Variants in PTDSS1 observed in about 807,000 individuals in gnomAD.
PTDSS1 encodes the protein phosphatidylserine synthase 1.
Under a neutral mutation model 70.5 loss-of-function variants are expected in PTDSS1, and 45 were observed. That is an observed-to-expected ratio of 0.64 (90% CI 0.50 to 0.82). PTDSS1 has a LOEUF of 0.82. PTDSS1 is among the 40% of genes least tolerant of loss of function. The probability of loss-of-function intolerance (pLI) is 0.00; values close to 1 mark genes in which losing one functional copy is unlikely to be tolerated. For missense variants in PTDSS1, 417 were observed against 586.1 expected, an observed-to-expected ratio of 0.71 and a Z score of 2.98; for synonymous variants, 188 against 203.8, an observed-to-expected ratio of 0.92 and a Z score of 0.66.
intron 8 of PTDSS1, among the ~76,000 whole-genome samples, chr8:96,307,715 AT>A (rs1025999990): frequency 2.2e-4 from 34 of 152,146 alleles, no homozygotes; most frequent in Non-Finnish European, 4.6e-4. Flanking sequence ...AGACTTTACA[AT>A]TTTTTTCAGG....
At chr8:96,306,637 T>C in intron 8 of PTDSS1, 81 bp downstream of exon 8, 1 of 1,065,808 alleles carries the variant, frequency 9.4e-7, no homozygotes, top group South Asian at 1.4e-5. Context: ...GAAAGTCATA[T>C]AAACTAGCAG....
At chr8:96,324,518 C>G (rs749120169) in intron 10 of PTDSS1, among the ~76,000 whole-genome samples, 1 of 152,084 alleles carries the variant, frequency 6.6e-6, no homozygotes, top group Non-Finnish European at 1.5e-5. Flanking sequence ...TTGGGAAGTC[C>G]AAAAGTATGG....
At chr8:96,282,853 G>A (rs1265517370) in intron 2 of PTDSS1, among the ~76,000 whole-genome samples, 1 of 152,172 alleles carries the variant, frequency 6.6e-6, no homozygotes, top group African/African-American at 2.4e-5. Flanking sequence ...GGCTCACAGT[G>A]TCATAGGCTT....
intron 10 of PTDSS1, among the ~76,000 whole-genome samples, chr8:96,326,089 C>T (rs1424643530): frequency 1.4e-4 from 21 of 152,180 alleles, no homozygotes; most frequent in Admixed American, 1.3e-3. Context: ...CATCTGCCCA[C>T]GTGTACTCTA....
rs1040695602 is a variant in PTDSS1 at position 96,333,626 on chromosome 8, C to T, written c.*60C>T. On this transcript the variant is annotated 3_prime_UTR_variant, in exon 13 of 13. Transcript: ENST00000517309. ...CTAGAACTGAGAGGGAAATGGAACT[C>T]ATTTGGAACTCCCCGTGAGGAGGTC... The T allele has an allele frequency of 1.3e-6, 2 of 1,497,512 alleles. No individual in the cohort carries two copies. The highest frequency in any genetic ancestry group is 1.7e-5 in the Admixed American group (1 of 59,640). 92.8% of individuals were successfully genotyped at this position (1,497,512 alleles called of 1,614,324 possible).
At chr8:96,277,108 A>T (rs1810659920) in intron 2 of PTDSS1, among the ~76,000 whole-genome samples, 1 of 152,192 alleles carries the variant, frequency 6.6e-6, no homozygotes, top group Non-Finnish European at 1.5e-5. Flanking sequence ...TGTCCTGTGC[A>T]GGAGGGATTG....
In PTDSS1 at chr8:96,303,437, T is replaced by C. The variant is rs145102452; in HGVS notation, c.753-603T>C. The stretch of plus-strand genomic sequence containing the variant: ...GACGTAAAAGTTCATGATATAAATA[T>C]TTGTGGAATTAAAGACTCTTTACCA... On this transcript the variant is annotated intron_variant, in intron 6 of 12. Coordinates refer to ENST00000517309, the MANE Select transcript of PTDSS1 (RefSeq NM_014754.3). 4.8e-3 allele frequency among the ~76,000 whole-genome samples: 726 copies of C among 152,264 alleles called. 2 individuals carry two copies. The highest frequency in any genetic ancestry group is 0.014 in the African/African-American group (583 of 41,542).
chr8:96,309,924 A>C (rs1171838719), intron 9 of PTDSS1, among the ~76,000 whole-genome samples: 1 of 151,898 alleles, frequency 6.6e-6, no homozygotes, highest in Non-Finnish European at 1.5e-5. Context: ...TCACTTTGGG[A>C]GCCCGAGGTG....
chr8:96,317,660 G>A (rs1332056941), intron 9 of PTDSS1, among the ~76,000 whole-genome samples: 1 of 152,036 alleles, frequency 6.6e-6, no homozygotes, highest in Non-Finnish European at 1.5e-5. Context: ...GCTTGAGCCT[G>A]GGAAGTGGAG....
intron 9 of PTDSS1, among the ~76,000 whole-genome samples, chr8:96,312,626 C>T (rs745707892): frequency 1.6e-4 from 24 of 152,204 alleles, no homozygotes; most frequent in African/African-American, 3.4e-4. Context: ...TGAGAACTCC[C>T]GGAACAGTGT....
chr8:96,274,085 A>G (rs942755599), intron 2 of PTDSS1, among the ~76,000 whole-genome samples: 2 of 150,418 alleles, frequency 1.3e-5, no homozygotes, highest in African/African-American at 4.9e-5. Context: ...CCACTAGAAT[A>G]TTCTCTACTT....
intron 4 of PTDSS1, 55 bp downstream of exon 4, chr8:96,287,201 AAGAGGTAAT>A: frequency 6.3e-7 from 1 of 1,587,594 alleles, no homozygotes; most frequent in South Asian, 1.1e-5. Context: ...TCTTGGGTGT[AAGAGGTAAT>A]AGACTTGACA....
intron 10 of PTDSS1, among the ~76,000 whole-genome samples, 190 bp from the exon 11 acceptor site, chr8:96,330,023 C>G (rs747180682): frequency 2.0e-5 from 3 of 152,150 alleles, no homozygotes; most frequent in Non-Finnish European, 2.9e-5. Context: ...CTCATCATAA[C>G]CTTTGTTGTC....
intron 6 of PTDSS1, among the ~76,000 whole-genome samples, chr8:96,303,358 G>A (rs901173234): frequency 1.3e-5 from 2 of 152,184 alleles, no homozygotes; most frequent in African/African-American, 2.4e-5. Context: ...CCACTAGAAC[G>A]GAAGGCCTGA....
intron 1 of PTDSS1, 37 bp from the exon 2 acceptor site, chr8:96,273,262 T>C (rs1213468028): frequency 6.8e-7 from 1 of 1,473,156 alleles, no homozygotes; most frequent in Non-Finnish European, 9.2e-7. Flanking sequence ...TATTTGGATC[T>C]GAAAGTAAAT....
At chr8:96,313,112 C>T (rs892224647) in intron 9 of PTDSS1, among the ~76,000 whole-genome samples, 2 of 152,168 alleles carry the variant, frequency 1.3e-5, no homozygotes, top group African/African-American at 4.8e-5. Context: ...GGTTCTTTCC[C>T]AGCACTCCAC....
chr8:96,262,116 G>C lies in PTDSS1; in HGVS notation c.76G>C (p.Glu26Gln), dbSNP rs763702650. 4 of 1,613,926 alleles carry C rather than the reference G, an allele frequency of 2.5e-6. No individual in the cohort carries two copies. In the South Asian group the frequency reaches 3.3e-5, roughly 13 times the overall value. Residue 26 changes from glutamate (E) to glutamine (Q), a missense_variant, in exon 1 of 13, where the codon GAG becomes CAG. By Grantham distance (29) the Glu-to-Gln change is conservative (BLOSUM62 2). This residue lies in a region of PTDSS1 where 38 missense variants were observed against 34.3 expected (regional missense o/e 1.11). Transcript: ENST00000517309. The surrounding 1 kb of genome is among the most constrained non-coding windows in gnomAD (Gnocchi z 4.4). ...CAAAATGCATTTCCGGATGATCAAC[G>C]AGCAGCAAGTGGAGGACATCACCAT... ...NYKMHFRMIN[E>Q]QQVEDITIDF...
intron 1 of PTDSS1, among the ~76,000 whole-genome samples, chr8:96,267,642 A>G (rs1810506862): frequency 6.6e-6 from 1 of 152,244 alleles, no homozygotes; most frequent in Admixed American, 6.5e-5. Context: ...CGAAATTAGT[A>G]TGGTATGAAA....
chr8:96,282,467 A>C (rs938127804), intron 2 of PTDSS1, among the ~76,000 whole-genome samples: 7 of 152,198 alleles, frequency 4.6e-5, no homozygotes, highest in Admixed American at 3.9e-4. Context: ...AAACAGATTT[A>C]GATGAATTTT....
Sources: allele counts gnomAD v4.1 joint callset (sites outside exome capture counted in the v4.1 genomes callset), GRCh38; gene constraint gnomAD v4.1.1; regional missense constraint gnomAD v4.1.1; non-coding constraint Gnocchi (gnomAD v3.1); transcripts MANE v1.5; gene names NCBI Gene and HGNC (gene_info 2026-07-23, HGNC 2026-07-21).